Variants in LHPP observed in about 807,000 individuals in gnomAD.
LHPP encodes the protein hLHPP.
Under a neutral mutation model 30.3 loss-of-function variants are expected in LHPP, and 24 were observed. The ratio of observed to expected loss-of-function variants is 0.79; its 90% CI spans 0.57 to 1.11. The LOEUF is 1.11. LHPP is among the 50% of genes most tolerant of loss of function. LHPP has a pLI of 0.00. For synonymous variants in LHPP, 150 were observed against 157.1 expected (o/e 0.95, Z 0.34); for missense variants, 356 against 367.2 (o/e 0.97, Z 0.25).
intron 6 of LHPP, among the ~76,000 whole-genome samples, chr10:124,519,803 GT>G (rs946687444): frequency 6.6e-6 from 1 of 151,374 alleles, no homozygotes; most frequent in Non-Finnish European, 1.5e-5. Context: ...ATTCCATGGT[GT>G]ATATGTACCA....
Position 124,499,258 on chromosome 10 carries a change from C to G in LHPP, c.624+1130C>G, listed in dbSNP as rs180701877. ...CTGGTTTTAAACTCCTAGCTCAAGCCGTCCTCCTGCCTCGGCCTCCCAAAG... is the reference window on the plus strand; with the variant it reads ...CTGGTTTTAAACTCCTAGCTCAAGCGGTCCTCCTGCCTCGGCCTCCCAAAG... On this transcript the variant is annotated intron_variant, in intron 5 of 6. Transcript: ENST00000368842. 2.0e-5 allele frequency among the ~76,000 whole-genome samples: 3 copies of G among 151,884 alleles called. 1 individual carries two copies. In the South Asian group the frequency reaches 6.2e-4, roughly 31 times the overall value.
intron 1 of LHPP, among the ~76,000 whole-genome samples, chr10:124,474,973 C>CTTGT (rs1952896324): frequency 6.6e-6 from 1 of 151,836 alleles, no homozygotes; most frequent in African/African-American, 2.4e-5. Context: ...ATTGTCACCA[C>CTTGT]CACAGCAATT....
chr10:124,554,712 G>T (rs1282498612), intron 6 of LHPP, among the ~76,000 whole-genome samples: 11 of 152,200 alleles, frequency 7.2e-5, no homozygotes, highest in Non-Finnish European at 2.9e-5. Flanking sequence ...CTTACTCCTG[G>T]GTGGGCTGTT....
chr10:124,498,342 A>G, intron 5 of LHPP: 1 of 1,572,216 alleles, frequency 6.4e-7, no homozygotes, highest in Non-Finnish European at 8.6e-7. Flanking sequence ...TTTCAGTATG[A>G]AAGCAAGAAG....
At chr10:124,562,982 A>G (rs1948420642) in intron 6 of LHPP, among the ~76,000 whole-genome samples, 1 of 152,020 alleles carries the variant, frequency 6.6e-6, no homozygotes, top group Non-Finnish European at 1.5e-5. Flanking sequence ...AAAAATGCCG[A>G]TGAGAACAGT....
chr10:124,537,155 C>T (rs1955047237), intron 6 of LHPP, among the ~76,000 whole-genome samples: 1 of 152,240 alleles, frequency 6.6e-6, no homozygotes, highest in African/African-American at 2.4e-5. Context: ...TTCACAGCAA[C>T]CTGGTGCACC....
intron 6 of LHPP, among the ~76,000 whole-genome samples, chr10:124,578,102 G>T (rs113164727): frequency 2.0e-5 from 3 of 152,158 alleles, no homozygotes; most frequent in African/African-American, 7.2e-5. Context: ...CACCTGAGTC[G>T]CTCTTCCTCC....
chr10:124,504,939 G>A (rs1350015090), intron 5 of LHPP, among the ~76,000 whole-genome samples: 2 of 152,172 alleles, frequency 1.3e-5, no homozygotes, highest in Admixed American at 6.5e-5. Flanking sequence ...GTGGGTCACC[G>A]TGGCTGCTTG....
At chr10:124,506,826 T>G (rs1327167762) in intron 5 of LHPP, among the ~76,000 whole-genome samples, 4 of 8,668 alleles carry the variant, frequency 4.6e-4, no homozygotes, top group Non-Finnish European at 6.8e-4. Flanking sequence ...GGTGGGGGGG[T>G]AGGGAGGATT....
In LHPP at chr10:124,613,832, C is replaced by T; in HGVS notation, c.*472C>T. On this transcript the variant is annotated 3_prime_UTR_variant, in exon 7 of 7. Coordinates refer to ENST00000368842, the MANE Select transcript of LHPP (RefSeq NM_022126.4). ...GGAAGAAACCCAGGGGCCTCCTATG[C>T]ACAGATCTTGCAGCCCAGAACCAAG... 6.0e-6 allele frequency: 1 copy of T among 166,474 alleles called. No individual in the cohort carries two copies. Among genetic ancestry groups the T allele is most frequent in the East Asian group, 1.7e-4 (1 of 5,798 alleles). 10.3% of individuals were successfully genotyped at this position (166,474 alleles called of 1,614,324 possible). A position where few individuals can be genotyped will look rare whatever the true frequency, so the allele number is the denominator to read the frequency against.
chr10:124,470,667 A>C (rs1952702225), intron 1 of LHPP, among the ~76,000 whole-genome samples: 1 of 148,106 alleles, frequency 6.8e-6, no homozygotes, highest in Non-Finnish European at 1.5e-5. Flanking sequence ...CAACAACAAC[A>C]ACAACAACAA....
At chr10:124,606,763 G>A (rs941350837) in intron 6 of LHPP, among the ~76,000 whole-genome samples, 1 of 152,156 alleles carries the variant, frequency 6.6e-6, no homozygotes, top group African/African-American at 2.4e-5. Flanking sequence ...TGACCCCCAC[G>A]GGGAGCCGTC....
chr10:124,597,383 C>A (rs191368717), intron 6 of LHPP, among the ~76,000 whole-genome samples: 98 of 152,348 alleles, frequency 6.4e-4, no homozygotes, highest in Middle Eastern at 3.4e-3. Context: ...GCTTCAGTTT[C>A]TTTGCCTACT....
chr10:124,488,093 C>T (rs1953396574), intron 2 of LHPP, among the ~76,000 whole-genome samples: 1 of 152,174 alleles, frequency 6.6e-6, no homozygotes, highest in Non-Finnish European at 1.5e-5. Flanking sequence ...GTCTTCTGAG[C>T]AGATTTCCCT....
intron 6 of LHPP, among the ~76,000 whole-genome samples, chr10:124,597,798 G>A (rs1420720097): frequency 1.7e-4 from 26 of 152,240 alleles, no homozygotes; most frequent in Non-Finnish European, 2.6e-4. Flanking sequence ...GGATCTGGCC[G>A]TTGGAGTGCG....
chr10:124,469,940 G>A (rs759958332), intron 1 of LHPP, among the ~76,000 whole-genome samples: 5 of 152,186 alleles, frequency 3.3e-5, no homozygotes, highest in Non-Finnish European at 5.9e-5. Context: ...AGGCATCTGG[G>A]CTAAGAGCAT....
At position 124,471,324 on chromosome 10, in the gene LHPP, T is replaced by A. The variant is rs565396610; in HGVS notation, c.125+9337T>A. 6.1e-5 allele frequency among the ~76,000 whole-genome samples: 9 copies of A among 146,494 alleles called. No homozygotes were observed. In the South Asian group the frequency reaches 1.9e-3, roughly 31 times the overall value. ...CTTGCAGGTCCCCGGGCCAGGAGTT[T>A]TGAATTCTTTGTAGCCTCAGAGCAC... is the stretch of plus-strand genomic sequence containing the variant. On this transcript the variant is annotated intron_variant, in intron 1 of 6. Coordinates refer to ENST00000368842, the MANE Select transcript of LHPP (RefSeq NM_022126.4).
Position 124,478,208 on chromosome 10 carries a change from A to T in LHPP, c.126-5931A>T, listed in dbSNP as rs1042430091. The stretch of plus-strand genomic sequence containing the variant: ...GTGTGGGCGCAGCTCGGAGGATGGG[A>T]TCTGGCTGGGTGCATGGCTGTGGGG... On this transcript the variant is annotated intron_variant, in intron 1 of 6. Coordinates refer to ENST00000368842, the MANE Select transcript of LHPP (RefSeq NM_022126.4). This position sits in a 1 kb window ranked among gnomAD's most constrained non-coding sequence, Gnocchi z 4.7. 3.9e-5 allele frequency among the ~76,000 whole-genome samples: 6 copies of T among 152,138 alleles called. No homozygotes were observed. Among genetic ancestry groups the T allele is most frequent in the Non-Finnish European group, 8.8e-5 (6 of 68,006 alleles).
intron 1 of LHPP, among the ~76,000 whole-genome samples, chr10:124,473,350 A>C (rs1822557228): frequency 6.6e-6 from 1 of 152,196 alleles, no homozygotes; most frequent in Admixed American, 6.5e-5. Context: ...GAGGAACTTA[A>C]GGTTCACAGA....
Sources: allele counts gnomAD v4.1 joint callset (sites outside exome capture counted in the v4.1 genomes callset), GRCh38; gene constraint gnomAD v4.1.1; non-coding constraint Gnocchi (gnomAD v3.1); transcripts MANE v1.5; gene names NCBI Gene and HGNC (gene_info 2026-07-23, HGNC 2026-07-21).